The following FGD4 variants were observed in gnomAD, a reference collection of about 807,000 sequenced individuals.
FGD4 encodes the protein FYVE, RhoGEF and PH domain-containing protein 4.
A neutral mutation model predicts 102.0 loss-of-function variants in FGD4; 42 were observed. The observed-to-expected ratio is 0.41, with a 90% CI of 0.32 to 0.53. FGD4 has a LOEUF of 0.53. FGD4 is among the 20% of genes least tolerant of loss of function. The probability of loss-of-function intolerance (pLI) is 0.21; values close to 1 mark genes in which losing one functional copy is unlikely to be tolerated. For missense variants in FGD4, 902 were observed against 1,078.2 expected, an observed-to-expected ratio of 0.84 and a Z score of 2.29; for synonymous variants, 380 against 375.7, an observed-to-expected ratio of 1.01 and a Z score of -0.13.
chr12:32,530,954 T>G (rs950073503), intron 1 of FGD4, among the ~76,000 whole-genome samples: 3 of 130,424 alleles, frequency 2.3e-5, no homozygotes, highest in Non-Finnish European at 1.6e-5. Context: ...TTTTTTTTTT[T>G]TTTTTTTTTT....
At chr12:32,548,998 T>C (rs1045529421) in intron 1 of FGD4, among the ~76,000 whole-genome samples, 3 of 152,030 alleles carry the variant, frequency 2.0e-5, no homozygotes, top group Non-Finnish European at 4.4e-5. Flanking sequence ...TGGGACAGAG[T>C]CCCTAGGGCA....
At chr12:32,562,337 T>C (rs537385305) in intron 1 of FGD4, among the ~76,000 whole-genome samples, 74 of 152,300 alleles carry the variant, frequency 4.9e-4, no homozygotes, top group African/African-American at 1.8e-3. Flanking sequence ...GGCCAGCCCA[T>C]GTGGGAAAAG....
chr12:32,561,069 GGTTTT>G (rs1465032777), intron 1 of FGD4, among the ~76,000 whole-genome samples: 5,097 of 91,204 alleles, frequency 0.056, 781 homozygotes, highest in Non-Finnish European at 0.082. Context: ...TTCTTTGTTG[GGTTTT>G]GTTTTTTTTT....
At chr12:32,573,382 G>A (rs1275185665) in intron 2 of FGD4, among the ~76,000 whole-genome samples, 11 of 152,070 alleles carry the variant, frequency 7.2e-5, no homozygotes, top group African/African-American at 1.7e-4. Flanking sequence ...GGCGTGAGCC[G>A]CCGCCCCTGG....
rs192739248 is a variant in FGD4 at position 32,411,501 on chromosome 12, T to C, written c.166+11542T>C. ...GTGAGGCGAGATCGCGCCGCCACAC[T>C]CCAGCCTGGGCGACAGAGCAAGACT... On this transcript the variant is annotated intron_variant, in intron 1 of 16. Transcript: ENST00000534526. Among the ~76,000 whole-genome samples, 54 of 151,858 alleles carry C rather than the reference T, an allele frequency of 3.6e-4. 1 individual carries two copies. Among genetic ancestry groups the C allele is most frequent in the Non-Finnish European group, 7.2e-4 (49 of 67,970 alleles).
At chr12:32,640,092 CATT>C (rs1320764071) in intron 16 of FGD4, among the ~76,000 whole-genome samples, 181 bp from the exon 17 acceptor site, 2 of 152,186 alleles carry the variant, frequency 1.3e-5, no homozygotes, top group African/African-American at 2.4e-5. Flanking sequence ...ATTCAGCTAA[CATT>C]ATCAGTGGCC....
chr12:32,419,016 G>T (rs1941532377), intron 1 of FGD4, among the ~76,000 whole-genome samples: 1 of 152,124 alleles, frequency 6.6e-6, no homozygotes, highest in Admixed American at 6.6e-5. Flanking sequence ...TTATGGGGGG[G>T]TTCTGCCAGG....
intron 14 of FGD4, among the ~76,000 whole-genome samples, chr12:32,630,595 A>G (rs1950441972): frequency 6.6e-6 from 1 of 152,102 alleles, no homozygotes; most frequent in Non-Finnish European, 1.5e-5. Flanking sequence ...CAGGTGGATC[A>G]CAAGGTCAGG....
intron 1 of FGD4, among the ~76,000 whole-genome samples, chr12:32,526,966 T>C (rs191685955): frequency 2.0e-5 from 3 of 152,034 alleles, no homozygotes; most frequent in Non-Finnish European, 4.4e-5. Flanking sequence ...TTATCCATAT[T>C]CTCCCAGCTA....
chr12:32,516,980 C>T (rs777514058), intron 1 of FGD4, among the ~76,000 whole-genome samples: 12 of 152,056 alleles, frequency 7.9e-5, no homozygotes, highest in Non-Finnish European at 1.2e-4. Flanking sequence ...TAATTTAAAT[C>T]GGGCAATTTC....
chr12:32,436,220 T>C (rs896375269), intron 1 of FGD4, among the ~76,000 whole-genome samples: 5 of 152,200 alleles, frequency 3.3e-5, no homozygotes, highest in Admixed American at 1.3e-4. Context: ...GGAGAGAGAA[T>C]GTTTATTTAA....
At chr12:32,444,200 T>C (rs1942542190) in intron 1 of FGD4, among the ~76,000 whole-genome samples, 1 of 151,738 alleles carries the variant, frequency 6.6e-6, no homozygotes, top group Non-Finnish European at 1.5e-5. Flanking sequence ...ATTTTAAAAT[T>C]TTTTATAGAG....
chr12:32,420,812 AG>A (rs1384957631), intron 1 of FGD4, among the ~76,000 whole-genome samples: 1 of 152,162 alleles, frequency 6.6e-6, no homozygotes, highest in Non-Finnish European at 1.5e-5. Flanking sequence ...AAGTCCATTC[AG>A]GGGCTCAATA....
At chr12:32,433,418 G>A (rs1240674093) in intron 1 of FGD4, among the ~76,000 whole-genome samples, 2 of 150,976 alleles carry the variant, frequency 1.3e-5, no homozygotes, top group Admixed American at 6.6e-5. Context: ...GCTCAGTTTC[G>A]GCTCACTGCA....
intron 1 of FGD4, among the ~76,000 whole-genome samples, chr12:32,475,897 G>A (rs906592768): frequency 1.3e-5 from 2 of 152,130 alleles, no homozygotes; most frequent in Admixed American, 6.5e-5. Flanking sequence ...AACCCATGAA[G>A]TCCAACTTCT....
At chr12:32,416,555 T>G (rs1001175710) in intron 1 of FGD4, among the ~76,000 whole-genome samples, 4 of 152,174 alleles carry the variant, frequency 2.6e-5, no homozygotes, top group African/African-American at 9.7e-5. Context: ...CAACAATTAG[T>G]ATTCGGTTTG....
intron 3 of FGD4, among the ~76,000 whole-genome samples, chr12:32,580,509 G>A (rs905539957): frequency 1.3e-5 from 2 of 152,056 alleles, no homozygotes; most frequent in African/African-American, 2.4e-5. Flanking sequence ...ATTTCTTCTC[G>A]TTTAGGTCAC....
chr12:32,444,474 G>A (rs910691276), intron 1 of FGD4, among the ~76,000 whole-genome samples: 17 of 151,794 alleles, frequency 1.1e-4, no homozygotes, highest in African/African-American at 3.6e-4. Context: ...GTGCAATCTC[G>A]GCTCACCACA....
intron 2 of FGD4, among the ~76,000 whole-genome samples, chr12:32,575,498 G>T (rs544490644): frequency 6.6e-6 from 1 of 152,138 alleles, no homozygotes; most frequent in South Asian, 2.1e-4. Flanking sequence ...CAAGCCATAC[G>T]TGAGGGATCT....
Sources: allele counts gnomAD v4.1 joint callset (sites outside exome capture counted in the v4.1 genomes callset), GRCh38; gene constraint gnomAD v4.1.1; transcripts MANE v1.5; gene names NCBI Gene and HGNC (gene_info 2026-07-23, HGNC 2026-07-21).